Variants in TSPEAR observed in about 807,000 individuals in gnomAD.
TSPEAR encodes thrombospondin type laminin G domain and EAR repeats, also known as thrombospondin-type laminin G domain and EAR repeat-containing protein.
TSPEAR carries 69 observed loss-of-function variants against 71.6 expected under a neutral mutation model. The observed-to-expected ratio is 0.96, with a 90% CI of 0.79 to 1.18. The LOEUF (loss-of-function observed/expected upper bound fraction) is 1.18. TSPEAR is among the 50% of genes most tolerant of loss of function. The pLI is 0.00. For missense variants in TSPEAR, 971 were observed against 894.9 expected (o/e 1.09, Z -1.09); for synonymous variants, 402 against 387.2 (o/e 1.04, Z -0.45).
chr21:44,681,647 G>A lies in TSPEAR; in HGVS notation c.82+29786C>T, dbSNP rs536327308. 65 of 754,652 alleles carry A rather than the reference G, an allele frequency of 8.6e-5. No individual in the cohort carries two copies. The African/African-American group carries it at 1.0e-3, about 12-fold the overall frequency. The allele number at this position is 754,652 out of a possible 1,614,324, so 46.7% of individuals were successfully genotyped here. A position where few individuals can be genotyped will look rare whatever the true frequency, so the allele number is the denominator to read the frequency against. ...TGACTCTGGGACCCCAGACTTCCCT[G>A]GGGGGATAGGCAAGTTCAGCCAGGG... On this transcript the variant is annotated intron_variant, in intron 1 of 11. Coordinates refer to ENST00000323084, the MANE Select transcript of TSPEAR (RefSeq NM_144991.3).
intron 1 of TSPEAR, among the ~76,000 whole-genome samples, chr21:44,674,655 T>C (rs1986216460): frequency 6.6e-6 from 1 of 151,774 alleles, no homozygotes; most frequent in African/African-American, 2.4e-5. Flanking sequence ...AGGTGGAGGC[T>C]GTGGTGAGCC....
rs568546705 is a variant in TSPEAR at position 44,711,525 on chromosome 21, G to A, written c.-11C>T. 5 of 1,608,682 alleles carry A rather than the reference G, an allele frequency of 3.1e-6. No homozygotes were observed. Among genetic ancestry groups the A allele is most frequent in the Non-Finnish European group, 4.2e-6 (5 of 1,178,042 alleles). ...CAGCAGGGCAGACATGAGGGGCTTG[G>A]GTGCCAAGCTCCATCCAGGGCTCCG... On this transcript the variant is annotated 5_prime_UTR_variant, in exon 1 of 12. Transcript: ENST00000323084. This position sits in a 1 kb window ranked among gnomAD's most constrained non-coding sequence, Gnocchi z 4.5.
Position 44,689,726 on chromosome 21 carries a change from TATATATATATATA to T in TSPEAR, c.82+21694_82+21706del, listed in dbSNP as rs1240205017. On this transcript the variant is annotated intron_variant, in intron 1 of 11. Coordinates refer to ENST00000323084, the MANE Select transcript of TSPEAR (RefSeq NM_144991.3). ...AGAATAGAATGAATATATATATATATATATATATATATATTTTGGGGGGGGTTACTAAGTATTA... is the reference window on the plus strand; with the variant it reads ...AGAATAGAATGAATATATATATATATTTTTGGGGGGGGTTACTAAGTATTA... 1.7e-4 allele frequency among the ~76,000 whole-genome samples: 19 copies of T among 111,216 alleles called. 2 individuals carry two copies. The highest frequency in any genetic ancestry group is 6.7e-4 in the African/African-American group (18 of 26,856). The allele number at this position is 111,216 out of a possible 152,430, so 73.0% of individuals were successfully genotyped here.
chr21:44,550,889 AGGCTTGCAGCAGACG>A (rs869292741), intron 2 of TSPEAR: 1 of 1,024,378 alleles, frequency 9.8e-7, no homozygotes, highest in Non-Finnish European at 1.3e-6. Flanking sequence ...TGCAGCAGAC[AGGCTTGCAGCAGACG>A]GACACACAGC....
At chr21:44,600,132 A>G (rs1246678307) in intron 1 of TSPEAR, among the ~76,000 whole-genome samples, 1 of 151,998 alleles carries the variant, frequency 6.6e-6, no homozygotes, top group Non-Finnish European at 1.5e-5. Context: ...CACTTCTAGG[A>G]ATGTTCCACC....
intron 1 of TSPEAR, among the ~76,000 whole-genome samples, chr21:44,595,907 A>G (rs1980336277): frequency 6.6e-6 from 1 of 152,224 alleles, no homozygotes; most frequent in African/African-American, 2.4e-5. Flanking sequence ...TTACAGCTGC[A>G]TAGAATTCCA....
intron 1 of TSPEAR, among the ~76,000 whole-genome samples, chr21:44,640,046 C>T (rs587688863): frequency 1.1e-4 from 16 of 152,320 alleles, no homozygotes; most frequent in South Asian, 8.3e-4. Flanking sequence ...GCATCTACCC[C>T]GGAGGAATGA....
At chr21:44,529,984 C>T in intron 4 of TSPEAR, 30 bp from the exon 5 acceptor site, 1 of 1,538,448 alleles carries the variant, frequency 6.5e-7, no homozygotes. Flanking sequence ...TCCTTCAGGC[C>T]CGCGCTGCTG....
At chr21:44,675,272 TACAC>T (rs1986255625) in intron 1 of TSPEAR, among the ~76,000 whole-genome samples, 1 of 152,140 alleles carries the variant, frequency 6.6e-6, no homozygotes, top group South Asian at 2.1e-4. Flanking sequence ...TGATTCAACA[TACAC>T]AAATCAATAA....
intron 1 of TSPEAR, among the ~76,000 whole-genome samples, chr21:44,652,713 G>A (rs1204248885): frequency 6.6e-6 from 1 of 152,178 alleles, no homozygotes; most frequent in Non-Finnish European, 1.5e-5. Context: ...CCAAAACTGG[G>A]ATTCTCAAAC....
chr21:44,711,413 T>A lies in TSPEAR; in HGVS notation c.82+20A>T. The A allele has an allele frequency of 6.3e-7, 1 of 1,575,064 alleles. No homozygotes were observed. Among genetic ancestry groups the A allele is most frequent in the Non-Finnish European group, 8.6e-7 (1 of 1,160,598 alleles). On this transcript the variant is annotated intron_variant, in intron 1 of 11. Transcript: ENST00000323084. The surrounding 1 kb of genome is among the most constrained non-coding windows in gnomAD (Gnocchi z 4.5). ...CCCCGGCAAGATACCCCCGCCCGAG[T>A]TCCCATGCCCCTGCCTTACCTGTGC...
In TSPEAR at chr21:44,518,004, G is replaced by A. The variant is rs149329991; in HGVS notation, c.1566+3879C>T. 1.4e-3 allele frequency among the ~76,000 whole-genome samples: 214 copies of A among 152,100 alleles called. 1 individual carries two copies. The highest frequency in any genetic ancestry group is 4.7e-3 in the African/African-American group (195 of 41,502). On this transcript the variant is annotated intron_variant, in intron 9 of 11. Coordinates refer to ENST00000323084, the MANE Select transcript of TSPEAR (RefSeq NM_144991.3). ...ATACAGACTCTCCTGGTTTGATTCTGTCTCTTTTCATTCTACATTCTAGAA... is the reference window on the plus strand; with the variant it reads ...ATACAGACTCTCCTGGTTTGATTCTATCTCTTTTCATTCTACATTCTAGAA...
In TSPEAR at chr21:44,533,815, C is replaced by A; in HGVS notation, c.412G>T (p.Ala138Ser). The change falls in exon 3 of 12, where the codon GCC becomes TCC. Residue 138 changes from alanine to serine, a missense_variant. By Grantham distance (99) the Ala-to-Ser change is moderately conservative. Transcript: ENST00000323084. ...LHFLFLREDTAGAWQTRVSFR... is the reference protein window; with the variant it reads ...LHFLFLREDTSGAWQTRVSFR... ...GACACTCGGGTCTGCCAGGCGCCGG[C>A]CGTGTCCTCGCGAAGGAACAGGAAG... 6.2e-7 allele frequency: 1 copy of A among 1,612,518 alleles called. No homozygotes were observed. Among genetic ancestry groups the A allele is most frequent in the South Asian group, 1.1e-5 (1 of 91,072 alleles).
At chr21:44,580,067 G>A in intron 1 of TSPEAR, 1 of 1,599,768 alleles carries the variant, frequency 6.3e-7, no homozygotes, top group Non-Finnish European at 8.5e-7. Flanking sequence ...CACGTAGCAG[G>A]ACTGCTGGCA....
intron 1 of TSPEAR, chr21:44,637,904 G>A: frequency 6.5e-7 from 1 of 1,532,714 alleles, no homozygotes; most frequent in Non-Finnish European, 8.9e-7. Flanking sequence ...TGTGTGCTCT[G>A]GGGCTTCCAC....
In TSPEAR at chr21:44,696,183, T is replaced by C. The variant is rs540632168; in HGVS notation, c.82+15250A>G. Among the ~76,000 whole-genome samples the C allele has an allele frequency of 2.6e-5, 4 of 152,316 alleles. No individual in the cohort carries two copies. In the South Asian group the frequency reaches 8.3e-4, roughly 32 times the overall value. ...CTTTAGATGGAAGGAGCTCCTTTTT[T>C]ATAGCTAGACCCAACCGTCTGGGCA... is the stretch of plus-strand genomic sequence containing the variant. On this transcript the variant is annotated intron_variant, in intron 1 of 11. Transcript: ENST00000323084.
rs782620967 is a variant in TSPEAR, at chr21:44,525,849, A to C, written c.1150-10T>G. On this transcript the variant is annotated splice_polypyrimidine_tract_variant and intron_variant, in intron 7 of 11. Coordinates refer to ENST00000323084, the MANE Select transcript of TSPEAR (RefSeq NM_144991.3). ...CCACTGCCAGGAAGATCTGAAAGAG[A>C]GTAAACCGGGACCACGTGGTTCTGC... 4 of 1,613,830 alleles carry C rather than the reference A, an allele frequency of 2.5e-6. No individual in the cohort carries two copies. The East Asian group carries it at 8.9e-5, about 36-fold the overall frequency.
chr21:44,599,105 T>C (rs2146141437), intron 1 of TSPEAR, among the ~76,000 whole-genome samples: 1 of 135,392 alleles, frequency 7.4e-6, no homozygotes, highest in South Asian at 2.5e-4. Flanking sequence ...ATAGCTACTT[T>C]GTCCCATATG....
rs587728546 is a variant in TSPEAR at position 44,671,074 on chromosome 21, T to TC, written c.82+40358dup. Among the ~76,000 whole-genome samples the TC allele has an allele frequency of 2.0e-4, 30 of 151,962 alleles. 1 individual carries two copies. In the South Asian group the frequency reaches 5.9e-3, roughly 30 times the overall value. On this transcript the variant is annotated intron_variant, in intron 1 of 11. Transcript: ENST00000323084. The stretch of plus-strand genomic sequence containing the variant: ...AGCATACCATCTGGGGGCCTGGTGG[T>TC]CCCCCCCAACCCATTCTACCAATGC...
Sources: gnomAD v4.1 joint callset for allele counts (sites outside exome capture counted in the v4.1 genomes callset) on GRCh38, gnomAD v4.1.1 for gene constraint, Gnocchi (gnomAD v3.1) non-coding constraint, MANE v1.5 for transcripts, NCBI Gene and HGNC (gene_info 2026-07-23, HGNC 2026-07-21) for gene names.